SCAPER: variants seen among roughly 807,000 people sequenced by gnomAD.
The protein encoded by SCAPER is S-phase cyclin A associated protein in the ER.
SCAPER carries 98 observed loss-of-function variants against 182.2 expected under a neutral mutation model. That is an observed-to-expected ratio of 0.54 (90% CI 0.46 to 0.64). SCAPER has a LOEUF of 0.64. SCAPER is among the 30% of genes least tolerant of loss of function. The probability of loss-of-function intolerance (pLI) is 0.00; values close to 1 mark genes in which losing one functional copy is unlikely to be tolerated. For synonymous variants in SCAPER, 605 were observed against 564.6 expected, an observed-to-expected ratio of 1.07 and a Z score of -1.01; for missense variants, 1,432 against 1,690.0, an observed-to-expected ratio of 0.85 and a Z score of 2.68.
At chr15:76,679,244 C>A (rs2057545931) in intron 20 of SCAPER, among the ~76,000 whole-genome samples, 3 of 152,154 alleles carry the variant, frequency 2.0e-5, no homozygotes, top group Admixed American at 2.0e-4. Flanking sequence ...CACATGACAT[C>A]TTTTACCTAT....
chr15:76,447,690 A>ACT (rs1486244155), intron 25 of SCAPER, among the ~76,000 whole-genome samples: 16 of 152,316 alleles, frequency 1.1e-4, no homozygotes, highest in African/African-American at 3.8e-4. Flanking sequence ...CTATCTCTGA[A>ACT]ATAATATTAT....
At chr15:76,745,944 CTAA>C (rs2061770731) in intron 15 of SCAPER, among the ~76,000 whole-genome samples, 1 of 152,098 alleles carries the variant, frequency 6.6e-6, no homozygotes. Flanking sequence ...GATAAAAATA[CTAA>C]TAATACATAG....
chr15:76,760,653 A>G (rs2062720679), intron 14 of SCAPER, among the ~76,000 whole-genome samples: 4 of 152,178 alleles, frequency 2.6e-5, no homozygotes, highest in Non-Finnish European at 2.9e-5. Flanking sequence ...CCTTATTACA[A>G]CAAAAGATGC....
intron 14 of SCAPER, among the ~76,000 whole-genome samples, chr15:76,756,718 A>AAC (rs2062457362): frequency 6.6e-6 from 1 of 152,244 alleles, no homozygotes; most frequent in African/African-American, 2.4e-5. Context: ...GTACTCAGTT[A>AAC]TAAGAGTGAC....
At position 76,392,245 on chromosome 15, in the gene SCAPER, A is replaced by G. The variant is rs549769075; in HGVS notation, c.3468-10630T>C. ...TAATTTTTAATTAAAAAAATAACAT[A>G]TATATACTTCTATAAGCTATCTCAA... On this transcript the variant is annotated intron_variant, in intron 27 of 31. Transcript: ENST00000563290. Among the ~76,000 whole-genome samples the G allele has an allele frequency of 2.2e-4, 33 of 152,134 alleles. No individual in the cohort carries two copies. In the South Asian group the frequency reaches 4.8e-3, roughly 22 times the overall value.
chr15:76,587,998 T>C (rs1240419674), intron 22 of SCAPER, among the ~76,000 whole-genome samples: 4 of 152,046 alleles, frequency 2.6e-5, no homozygotes, highest in Non-Finnish European at 4.4e-5. Flanking sequence ...CTCAGCTCAC[T>C]GCAAGCTCTG....
intron 2 of SCAPER, among the ~76,000 whole-genome samples, chr15:76,880,662 T>C (rs2073473721): frequency 1.3e-5 from 2 of 151,688 alleles, no homozygotes; most frequent in Admixed American, 1.3e-4. Context: ...GGAAATAGTA[T>C]GCAGCTATAA....
intron 26 of SCAPER, among the ~76,000 whole-genome samples, chr15:76,410,542 C>A (rs1349476840): frequency 6.6e-6 from 1 of 152,208 alleles, no homozygotes; most frequent in East Asian, 1.9e-4. Flanking sequence ...AGGCCCAAGG[C>A]TGAGGTAGAT....
At chr15:76,450,050 A>T (rs970240029) in intron 25 of SCAPER, among the ~76,000 whole-genome samples, 8 of 152,216 alleles carry the variant, frequency 5.3e-5, no homozygotes, top group Non-Finnish European at 5.9e-5. Context: ...CAAATGCTGT[A>T]TTTTAATACA....
intron 23 of SCAPER, among the ~76,000 whole-genome samples, chr15:76,520,534 C>T (rs995759535): frequency 2.6e-5 from 4 of 152,082 alleles, no homozygotes; most frequent in Non-Finnish European, 5.9e-5. Context: ...TGTCTTATCA[C>T]TGCTGTTTCC....
At chr15:76,408,899 G>C (rs1487448395) in intron 26 of SCAPER, among the ~76,000 whole-genome samples, 3 of 152,038 alleles carry the variant, frequency 2.0e-5, no homozygotes, top group Non-Finnish European at 4.4e-5. Flanking sequence ...TACCATCCTT[G>C]AAACAGCCAG....
At chr15:76,697,978 T>C (rs549100953) in intron 20 of SCAPER, among the ~76,000 whole-genome samples, 1 of 152,128 alleles carries the variant, frequency 6.6e-6, no homozygotes, top group African/African-American at 2.4e-5. Flanking sequence ...TCCTTTACAA[T>C]GGGAATTATT....
intron 5 of SCAPER, among the ~76,000 whole-genome samples, chr15:76,824,145 C>T (rs1383825738): frequency 6.6e-6 from 1 of 152,158 alleles, no homozygotes; most frequent in African/African-American, 2.4e-5. Context: ...GTCACTGATG[C>T]ACATCTTTCT....
chr15:76,885,780 C>T (rs1368141542), intron 1 of SCAPER, among the ~76,000 whole-genome samples: 2 of 152,218 alleles, frequency 1.3e-5, no homozygotes, highest in East Asian at 3.8e-4. Context: ...CCACCATGCA[C>T]ACCTGGCCCT....
In SCAPER at chr15:76,837,794, T is replaced by C. The variant is rs555576626; in HGVS notation, c.393+3940A>G. Among the ~76,000 whole-genome samples, 135 of 152,196 alleles carry C rather than the reference T, an allele frequency of 8.9e-4. 1 individual carries two copies. The highest frequency in any genetic ancestry group is 3.4e-3 in the Middle Eastern group (1 of 294). ...TGTCAAAAGAATACACACACGAGCA[T>C]ATGAAAAAATGCTCAACATCACTAA... On this transcript the variant is annotated intron_variant, in intron 5 of 31. Coordinates refer to ENST00000563290, the MANE Select transcript of SCAPER (RefSeq NM_020843.4).
At chr15:76,778,365 T>C (rs879835033) in intron 8 of SCAPER, among the ~76,000 whole-genome samples, 1 of 152,146 alleles carries the variant, frequency 6.6e-6, no homozygotes, top group Non-Finnish European at 1.5e-5. Context: ...AAATTACGTA[T>C]GTATAATGTT....
chr15:76,375,695 GA>G (rs1407407240), intron 29 of SCAPER, among the ~76,000 whole-genome samples: 4 of 152,096 alleles, frequency 2.6e-5, no homozygotes, highest in Admixed American at 6.6e-5. Context: ...AAATCTATTT[GA>G]AGAGGGCCAG....
chr15:76,574,213 T>G lies in SCAPER; in HGVS notation c.2783A>C (p.Lys928Thr). The change falls in exon 23 of 32, where the codon AAA becomes ACA. Residue 928 changes from lysine (K) to threonine (T), a missense_variant. Lys to Thr is a moderately conservative substitution (Grantham distance 78). Coordinates refer to ENST00000563290, the MANE Select transcript of SCAPER (RefSeq NM_020843.4). ...TAGGGTCCGATCCAAAGCAGACACT[T>G]TATTGTTTGCCCATGAGCCACTGTC... ...VQDSGSWANNKVSALDRTLGE... is the reference protein window; with the variant it reads ...VQDSGSWANNTVSALDRTLGE... The G allele has an allele frequency of 1.2e-6, 2 of 1,611,442 alleles. No individual in the cohort carries two copies. The highest frequency in any genetic ancestry group is 1.7e-6 in the Non-Finnish European group (2 of 1,178,810).
intron 28 of SCAPER, among the ~76,000 whole-genome samples, chr15:76,376,993 T>C (rs1409284913): frequency 6.6e-6 from 1 of 152,194 alleles, no homozygotes; most frequent in Admixed American, 6.5e-5. Flanking sequence ...CTGCAGCTTC[T>C]ATTTAATAAA....
Sources: gnomAD v4.1 joint callset for allele counts (sites outside exome capture counted in the v4.1 genomes callset) on GRCh38, gnomAD v4.1.1 for gene constraint, MANE v1.5 for transcripts, NCBI Gene and HGNC (gene_info 2026-07-23, HGNC 2026-07-21) for gene names.